The following SDK1 variants were observed in gnomAD, a reference collection of about 807,000 sequenced individuals.
The protein encoded by SDK1 is protein sidekick-1.
A neutral mutation model predicts 245.5 loss-of-function variants in SDK1; 157 were observed. The ratio of observed to expected loss-of-function variants is 0.64; its 90% CI spans 0.56 to 0.73. The LOEUF is 0.73. Ranked by LOEUF, SDK1 falls within the 30% of genes least tolerant of loss-of-function variation. The pLI is 0.00. For synonymous variants in SDK1, 1,647 were observed against 1,278.5 expected (o/e 1.29, Z -6.15); for missense variants, 3,583 against 3,002.3 (o/e 1.19, Z -4.52).
chr7:3,835,439 G>A (rs558895452), intron 5 of SDK1, among the ~76,000 whole-genome samples: 3 of 152,102 alleles, frequency 2.0e-5, no homozygotes, highest in Admixed American at 6.5e-5. Flanking sequence ...ACAGTGTGCC[G>A]TGAGATGGGC....
intron 1 of SDK1, among the ~76,000 whole-genome samples, chr7:3,397,153 G>C (rs1778735623): frequency 6.6e-6 from 1 of 151,650 alleles, no homozygotes; most frequent in Admixed American, 6.6e-5. Flanking sequence ...TATAAATTAT[G>C]TATTTATATG....
intron 1 of SDK1, among the ~76,000 whole-genome samples, chr7:3,537,972 G>A (rs1018598488): frequency 6.6e-6 from 1 of 152,216 alleles, no homozygotes; most frequent in African/African-American, 2.4e-5. Context: ...GGAGAGGGCA[G>A]TCACCTAGTT....
chr7:4,206,659 A>G (rs559080666), intron 36 of SDK1, among the ~76,000 whole-genome samples: 78 of 152,198 alleles, frequency 5.1e-4, no homozygotes, highest in African/African-American at 1.7e-3. Flanking sequence ...TGGGGCGGGA[A>G]GCACCTCTCC....
chr7:4,168,593 C>A (rs1781641107), intron 32 of SDK1, among the ~76,000 whole-genome samples: 1 of 152,156 alleles, frequency 6.6e-6, no homozygotes, highest in African/African-American at 2.4e-5. Flanking sequence ...GTCACGCCAC[C>A]TGAGCTTCCC....
chr7:3,719,248 T>G (rs1324670311), intron 4 of SDK1, among the ~76,000 whole-genome samples: 45 of 151,876 alleles, frequency 3.0e-4, no homozygotes, highest in African/African-American at 8.9e-4. Flanking sequence ...AGAAAGGTTT[T>G]TTTTTTTTTT....
At chr7:3,340,478 A>G (rs974729387) in intron 1 of SDK1, among the ~76,000 whole-genome samples, 4 of 152,158 alleles carry the variant, frequency 2.6e-5, no homozygotes, top group South Asian at 2.1e-4. Context: ...AATTAAAAAA[A>G]TTGGCCAGGT....
At chr7:3,980,982 A>T (rs1177825286) in intron 13 of SDK1, among the ~76,000 whole-genome samples, 1 of 152,080 alleles carries the variant, frequency 6.6e-6, no homozygotes, top group Non-Finnish European at 1.5e-5. Flanking sequence ...TTATATTTCC[A>T]GAATAAGGCA....
intron 1 of SDK1, among the ~76,000 whole-genome samples, chr7:3,506,758 C>T (rs1323845180): frequency 6.6e-6 from 1 of 151,690 alleles, no homozygotes. Flanking sequence ...GGGAGTATTC[C>T]AGTTCAGGTG....
chr7:3,750,768 T>C (rs1450303789), intron 4 of SDK1, among the ~76,000 whole-genome samples: 1 of 152,230 alleles, frequency 6.6e-6, no homozygotes, highest in African/African-American at 2.4e-5. Context: ...AGAATCTTTG[T>C]CAGTAAATAC....
intron 42 of SDK1, among the ~76,000 whole-genome samples, chr7:4,240,165 A>G (rs1386280448): frequency 6.6e-6 from 1 of 152,298 alleles, no homozygotes. Flanking sequence ...TGTCTGGTGC[A>G]TAGAAAAATC....
intron 19 of SDK1, among the ~76,000 whole-genome samples, chr7:4,052,898 C>A (rs1778964388): frequency 6.6e-6 from 1 of 151,876 alleles, no homozygotes; most frequent in African/African-American, 2.4e-5. Context: ...ACCAGCCTGG[C>A]CAAGATGGTG....
chr7:3,354,975 G>T (rs921902186), intron 1 of SDK1, among the ~76,000 whole-genome samples: 5 of 152,184 alleles, frequency 3.3e-5, no homozygotes, highest in African/African-American at 1.2e-4. Flanking sequence ...TCTTGTGTCT[G>T]TGGGGAAGCT....
At chr7:4,104,720 T>C (rs1180998363) in intron 22 of SDK1, among the ~76,000 whole-genome samples, 1 of 152,172 alleles carries the variant, frequency 6.6e-6, no homozygotes, top group Non-Finnish European at 1.5e-5. Flanking sequence ...TTATTTATTT[T>C]TGAGGCAGGG....
intron 1 of SDK1, among the ~76,000 whole-genome samples, chr7:3,515,277 G>T (rs1165390794): frequency 3.3e-5 from 5 of 152,098 alleles, no homozygotes; most frequent in Non-Finnish European, 7.4e-5. Flanking sequence ...CTGTATTTTA[G>T]AAAAAGAAGA....
At chr7:3,653,299 C>T (rs562619947) in intron 4 of SDK1, among the ~76,000 whole-genome samples, 1 of 152,292 alleles carries the variant, frequency 6.6e-6, no homozygotes, top group Admixed American at 6.5e-5. Context: ...CCAGGGTCCA[C>T]GTGTAAGCTG....
intron 27 of SDK1, among the ~76,000 whole-genome samples, chr7:4,131,230 T>C (rs1784793722): frequency 6.6e-6 from 1 of 152,238 alleles, no homozygotes; most frequent in South Asian, 2.1e-4. Context: ...AAGCAGGCGC[T>C]GGTGAGTCCT....
chr7:3,586,569 G>T (rs761781653), intron 1 of SDK1, among the ~76,000 whole-genome samples: 1 of 151,490 alleles, frequency 6.6e-6, no homozygotes, highest in Non-Finnish European at 1.5e-5. Context: ...GCTGGGCATT[G>T]TGGCGGGCGC....
chr7:3,814,922 G>C (rs1179869424), intron 4 of SDK1, among the ~76,000 whole-genome samples: 1 of 152,130 alleles, frequency 6.6e-6, no homozygotes, highest in African/African-American at 2.4e-5. Flanking sequence ...TTTGTATGTT[G>C]TTGGTGTGTA....
intron 22 of SDK1, among the ~76,000 whole-genome samples, chr7:4,083,900 C>T (rs1020488158): frequency 6.6e-6 from 1 of 151,278 alleles, no homozygotes; most frequent in African/African-American, 2.4e-5. Context: ...GGTGGGGGCA[C>T]GTAGGTCTAG....
Sources: allele counts gnomAD v4.1 joint callset (sites outside exome capture counted in the v4.1 genomes callset), GRCh38; gene constraint gnomAD v4.1.1; transcripts MANE v1.5; gene names NCBI Gene and HGNC (gene_info 2026-07-23, HGNC 2026-07-21).